The following DMBT1 variants were observed in gnomAD, a reference collection of about 807,000 sequenced individuals.
DMBT1 encodes the protein scavenger receptor cysteine-rich domain-containing protein DMBT1.
In DMBT1, 198 loss-of-function variants were observed where a neutral mutation model predicts 252.9. That is an observed-to-expected ratio of 0.78 (90% confidence interval 0.70 to 0.88). The LOEUF (loss-of-function observed/expected upper bound fraction) is 0.88, where lower values mean the gene tolerates loss of function less well. Among genes scored for constraint, DMBT1 ranks in the 40% least tolerant of loss-of-function variants. The probability of loss-of-function intolerance (pLI) is 0.00; values close to 1 mark genes in which losing one functional copy is unlikely to be tolerated. For synonymous variants in DMBT1, 990 were observed against 942.7 expected (o/e 1.05, Z -0.92); for missense variants, 2,432 against 2,404.7 (o/e 1.01, Z -0.24).
rs370655206 is a variant in DMBT1, at chr10:122,587,457, G to T, written c.1783+1074G>T. ...GCACCGGTCAGGTGTGGGGCAGGCA[G>T]TGCCCATGAGGCTTACTGAGCAAAG... On this transcript the variant is annotated intron_variant, in intron 16 of 55. Coordinates refer to ENST00000338354, the MANE Select transcript of DMBT1 (RefSeq NM_001377530.1). 1.1e-4 allele frequency among the ~76,000 whole-genome samples: 17 copies of T among 149,020 alleles called. 3 individuals carry two copies. In the East Asian group the frequency reaches 2.9e-3, roughly 25 times the overall value.
intron 55 of DMBT1, among the ~76,000 whole-genome samples, chr10:122,641,472 C>T (rs933200874): frequency 6.6e-6 from 1 of 152,142 alleles, no homozygotes; most frequent in Non-Finnish European, 1.5e-5. Context: ...AAACGTAGCA[C>T]CTCTTTCCAG....
At chr10:122,640,005 G>A (rs1844239512) in intron 54 of DMBT1, 35 bp from the exon 55 acceptor site, 1 of 1,596,036 alleles carries the variant, frequency 6.3e-7, no homozygotes, top group Non-Finnish European at 8.5e-7. Flanking sequence ...CAGGTGACAT[G>A]TGCCTGACTC....
intron 25 of DMBT1, among the ~76,000 whole-genome samples, chr10:122,598,569 C>G (rs924756157): frequency 6.6e-6 from 1 of 152,208 alleles, no homozygotes; most frequent in African/African-American, 2.4e-5. Flanking sequence ...TTCCCCAAAA[C>G]TTGAGCCTTC....
Position 122,598,132 on chromosome 10 carries a change from T to G in DMBT1, c.2956+120T>G, listed in dbSNP as rs188548472. ...CTCTCTTTTTCATGTCCCTGTGGGTTGCATGGGAGGAAGGTAGCGTCTCTG... is the reference window on the plus strand; with the variant it reads ...CTCTCTTTTTCATGTCCCTGTGGGTGGCATGGGAGGAAGGTAGCGTCTCTG... On this transcript the variant is annotated intron_variant, in intron 25 of 55. Transcript: ENST00000338354. 887 of 1,454,038 alleles carry G rather than the reference T, an allele frequency of 6.1e-4. 3 individuals carry two copies. The African/African-American group carries it at 0.01, about 17-fold the overall frequency. 90.1% of individuals were successfully genotyped at this position (1,454,038 alleles called of 1,614,324 possible).
intron 6 of DMBT1, among the ~76,000 whole-genome samples, chr10:122,575,822 G>T (rs1159929175): frequency 6.6e-6 from 1 of 152,142 alleles, no homozygotes; most frequent in Non-Finnish European, 1.5e-5. Context: ...TCAGAATATG[G>T]TGTCTCCAAG....
At chr10:122,632,664 A>G (rs79661025) in intron 50 of DMBT1, among the ~76,000 whole-genome samples, 197 bp from the exon 51 acceptor site, 3 of 151,642 alleles carry the variant, frequency 2.0e-5, no homozygotes, top group Non-Finnish European at 4.4e-5. Context: ...GGTCAATCTC[A>G]TCCTTTTCCC....
rs147100705 is a variant in DMBT1 at position 122,636,689 on chromosome 10, C to T, written c.6758-439C>T. Among the ~76,000 whole-genome samples the T allele has an allele frequency of 3.3e-3, 501 of 152,354 alleles. 1 individual carries two copies. The highest frequency in any genetic ancestry group is 0.011 in the African/African-American group (457 of 41,586). On this transcript the variant is annotated intron_variant, in intron 53 of 55. Transcript: ENST00000338354. ...GCCATGATTTGAGTTGCTGTATGGA[C>T]TGATATGTAGAATGGCCAAGGGCCA...
chr10:122,566,233 T>C (rs1350866473), intron 2 of DMBT1, among the ~76,000 whole-genome samples: 2 of 152,358 alleles, frequency 1.3e-5, no homozygotes, highest in South Asian at 2.1e-4. Context: ...CTCTCAGTCA[T>C]TTATCAGATG....
At chr10:122,630,816 A>C (rs1351955077) in intron 48 of DMBT1, 145 bp from the exon 49 acceptor site, 11 of 889,236 alleles carry the variant, frequency 1.2e-5, no homozygotes, top group Non-Finnish European at 1.7e-5. Context: ...GGAGCGGTCC[A>C]GTACCTCCAC....
At chr10:122,617,881 C>A (rs542199017) in intron 40 of DMBT1, 136 bp from the exon 41 acceptor site, 1 of 1,453,306 alleles carries the variant, frequency 6.9e-7, no homozygotes, top group Non-Finnish European at 9.4e-7. Flanking sequence ...GCTGAACCTC[C>A]GGTAGCAGTT....
chr10:122,631,408 C>T (rs941173884), intron 49 of DMBT1, 127 bp downstream of exon 49: 1 of 1,222,530 alleles, frequency 8.2e-7, no homozygotes, highest in African/African-American at 1.5e-5. Context: ...GTGGCCTGCG[C>T]ACTCCAGAAG....
At chr10:122,628,968 A>G (rs553330691) in intron 46 of DMBT1, among the ~76,000 whole-genome samples, 62 of 152,294 alleles carry the variant, frequency 4.1e-4, no homozygotes, top group Middle Eastern at 6.8e-3. Context: ...AAAGTAAACA[A>G]AGAGTTATGA....
At chr10:122,577,623 A>G (rs1004743365) in intron 7 of DMBT1, among the ~76,000 whole-genome samples, 188 bp from the exon 8 acceptor site, 5 of 152,026 alleles carry the variant, frequency 3.3e-5, no homozygotes, top group African/African-American at 4.8e-5. Flanking sequence ...AGGCACAGAG[A>G]AGGCAATGCC....
intron 46 of DMBT1, among the ~76,000 whole-genome samples, chr10:122,628,452 G>A (rs1040110733): frequency 1.3e-5 from 2 of 152,056 alleles, no homozygotes; most frequent in Non-Finnish European, 2.9e-5. Flanking sequence ...CCTGGACAAC[G>A]TGGTGAAACC....
intron 10 of DMBT1, 39 bp downstream of exon 10, chr10:122,579,940 G>C (rs377034771): frequency 6.2e-7 from 1 of 1,613,130 alleles, no homozygotes; most frequent in Non-Finnish European, 8.5e-7. Flanking sequence ...TCTTGGGGTG[G>C]AGTTTGCTCC....
chr10:122,568,444 A>G (rs1301875986), intron 2 of DMBT1, among the ~76,000 whole-genome samples: 1 of 152,186 alleles, frequency 6.6e-6, no homozygotes, highest in African/African-American at 2.4e-5. Flanking sequence ...AAGAGAGAAC[A>G]TGGAAGAACA....
chr10:122,576,380 A>G lies in DMBT1; in HGVS notation c.284-19A>G, dbSNP rs1565607939. 1 of 1,611,886 alleles carries G rather than the reference A, an allele frequency of 6.2e-7. No homozygotes were observed. The highest frequency in any genetic ancestry group is 1.7e-5 in the Admixed American group (1 of 59,986). On this transcript the variant is annotated intron_variant, in intron 6 of 55. Transcript: ENST00000338354. ...GCCTCAGTAGGAATGTGCAAGAGAA[A>G]TTCTGTGCCTTCCTCTAGGATCTGA...
At chr10:122,566,827 A>G (rs2097598156) in intron 2 of DMBT1, among the ~76,000 whole-genome samples, 1 of 152,232 alleles carries the variant, frequency 6.6e-6, no homozygotes, top group Non-Finnish European at 1.5e-5. Flanking sequence ...ACTTTGAGGT[A>G]AGTAATACGA....
At chr10:122,623,039 AC>A (rs1166056500) in intron 44 of DMBT1, among the ~76,000 whole-genome samples, 2 of 151,892 alleles carry the variant, frequency 1.3e-5, no homozygotes, top group African/African-American at 4.8e-5. Context: ...GAAAGCTCTT[AC>A]CCCTTAACCA....
Sources: gnomAD v4.1 joint callset for allele counts (sites outside exome capture counted in the v4.1 genomes callset) on GRCh38, gnomAD v4.1.1 for gene constraint, MANE v1.5 for transcripts, NCBI Gene and HGNC (gene_info 2026-07-23, HGNC 2026-07-21) for gene names.